The following AMMECR1 variants were observed in gnomAD, a reference collection of about 807,000 sequenced individuals.
AMMECR1 encodes the protein AMMECR nuclear protein 1.
In AMMECR1, 3 loss-of-function variants were observed where a neutral mutation model predicts 22.5. The observed-to-expected ratio is 0.13, with a 90% CI of 0.06 to 0.35. AMMECR1 has a LOEUF of 0.35. Among genes scored for constraint, AMMECR1 ranks in the 10% least tolerant of loss-of-function variants. The probability of loss-of-function intolerance (pLI) is 1.00; values close to 1 mark genes in which losing one functional copy is unlikely to be tolerated. For synonymous variants in AMMECR1, 130 were observed against 116.7 expected, an observed-to-expected ratio of 1.11 and a Z score of -0.74; for missense variants, 235 against 278.7, an observed-to-expected ratio of 0.84 and a Z score of 1.12.
intron 1 of AMMECR1, among the ~76,000 whole-genome samples, chrX:110,285,310 A>T (rs1314830614): frequency 8.9e-6 from 1 of 112,329 alleles, no homozygotes; most frequent in Non-Finnish European, 1.9e-5. Flanking sequence ...TACACACTTA[A>T]TTCTCACACT....
intron 2 of AMMECR1, among the ~76,000 whole-genome samples, chrX:110,246,407 T>C (rs745889656): frequency 5.3e-5 from 6 of 112,474 alleles, no homozygotes; most frequent in Non-Finnish European, 1.1e-4. Flanking sequence ...GACTTATACT[T>C]TCAGAGATGC....
chrX:110,246,978 T>C (rs1233463432), intron 2 of AMMECR1, among the ~76,000 whole-genome samples: 1 of 112,135 alleles, frequency 8.9e-6, no homozygotes, highest in Non-Finnish European at 1.9e-5. Flanking sequence ...CTTTACCATG[T>C]CCCATTACTC....
intron 2 of AMMECR1, among the ~76,000 whole-genome samples, chrX:110,366,668 TCTCTG>T (rs2068299372): frequency 8.9e-6 from 1 of 111,795 alleles, no homozygotes; most frequent in African/African-American, 3.3e-5. Context: ...CCCTAGGCTC[TCTCTG>T]CTTTCATGTG....
At chrX:110,338,514 G>A (rs995192822) in intron 2 of AMMECR1, among the ~76,000 whole-genome samples, 3 of 112,034 alleles carry the variant, frequency 2.7e-5, no homozygotes, top group Admixed American at 9.4e-5. Flanking sequence ...CATTGCTTAT[G>A]ATCAGCCGTT....
chrX:110,283,647 T>C (rs2067864077), intron 1 of AMMECR1, among the ~76,000 whole-genome samples: 1 of 111,506 alleles, frequency 9.0e-6, no homozygotes, highest in South Asian at 3.8e-4. Context: ...ATCCCATTCA[T>C]GAGGGCCCCA....
intron 2 of AMMECR1, among the ~76,000 whole-genome samples, chrX:110,222,032 G>A (rs1339395312): frequency 9.0e-6 from 1 of 110,742 alleles, no homozygotes; most frequent in African/African-American, 3.3e-5. Flanking sequence ...GTGGAAGTCG[G>A]TGTGGCGATT....
At chrX:110,419,724 T>G (rs2068703562) in intron 2 of AMMECR1, among the ~76,000 whole-genome samples, 1 of 111,867 alleles carries the variant, frequency 8.9e-6, no homozygotes, top group African/African-American at 3.3e-5. Context: ...TGTCATTCCA[T>G]AGGAAAAAAA....
intron 2 of AMMECR1, among the ~76,000 whole-genome samples, chrX:110,235,718 A>T (rs2067596807): frequency 8.9e-6 from 1 of 111,962 alleles, no homozygotes; most frequent in African/African-American, 3.3e-5. Flanking sequence ...CAAGGACAGG[A>T]AACCAAACAC....
At chrX:110,427,988 G>C (rs2068766779) in intron 1 of AMMECR1, among the ~76,000 whole-genome samples, 1 of 111,847 alleles carries the variant, frequency 8.9e-6, no homozygotes, top group Non-Finnish European at 1.9e-5. Context: ...TCCAGTCTGG[G>C]TTAGATGCCC....
intron 2 of AMMECR1, among the ~76,000 whole-genome samples, chrX:110,332,275 G>A (rs1186273000): frequency 1.8e-5 from 2 of 111,915 alleles, no homozygotes; most frequent in Non-Finnish European, 3.8e-5. Flanking sequence ...CTTAGGTAGT[G>A]GGATCTGAAA....
chrX:110,284,791 C>T (rs943689169), intron 1 of AMMECR1, among the ~76,000 whole-genome samples: 1 of 112,018 alleles, frequency 8.9e-6, no homozygotes, highest in Non-Finnish European at 1.9e-5. Flanking sequence ...GCCAAGGCCA[C>T]ACAAAGTACC....
chrX:110,396,955 C>G (rs2068532659), intron 2 of AMMECR1, among the ~76,000 whole-genome samples: 1 of 111,776 alleles, frequency 8.9e-6, no homozygotes. Context: ...TACAGGCAGG[C>G]TGGCCACACC....
At chrX:110,229,835 G>A (rs774141663) in intron 2 of AMMECR1, among the ~76,000 whole-genome samples, 10 of 112,603 alleles carry the variant, frequency 8.9e-5, no homozygotes, top group African/African-American at 3.2e-4. Context: ...CTTAGCAACC[G>A]GCAGACAAGG....
In AMMECR1 at chrX:110,421,915, A is replaced by G. The variant is rs954642627; in HGVS notation, c.-148+4743T>C. ...CTTAGATGCAAATGGCCAAATCCCA[A>G]TGGCCATGGCTATAAGGAACACAGG... is the stretch of plus-strand genomic sequence containing the variant. On this transcript the variant is annotated intron_variant, in intron 2 of 7. Coordinates refer to the AMMECR1 transcript ENST00000372057. Among the ~76,000 whole-genome samples the G allele has an allele frequency of 8.0e-5, 9 of 112,906 alleles. No individual in the cohort carries two copies. In the East Asian group the frequency reaches 1.1e-3, roughly 14 times the overall value.
chrX:110,253,539 T>G (rs1481891324), intron 2 of AMMECR1, among the ~76,000 whole-genome samples: 1 of 112,978 alleles, frequency 8.9e-6, no homozygotes, highest in Non-Finnish European at 1.9e-5. Context: ...AATGTAGGCT[T>G]TTAAAAAAAT....
chrX:110,327,020 A>G (rs1175205408), intron 2 of AMMECR1, among the ~76,000 whole-genome samples: 1 of 112,230 alleles, frequency 8.9e-6, no homozygotes, highest in Non-Finnish European at 1.9e-5. Flanking sequence ...TGGTGATGAC[A>G]TATTGGCATG....
intron 2 of AMMECR1, among the ~76,000 whole-genome samples, chrX:110,222,415 G>A (rs2067506797): frequency 1.2e-5 from 1 of 84,818 alleles, no homozygotes; most frequent in Non-Finnish European, 2.3e-5. Flanking sequence ...ATGGACACAG[G>A]AAGGGGAATA....
intron 2 of AMMECR1, among the ~76,000 whole-genome samples, chrX:110,236,579 G>C (rs2067602751): frequency 8.9e-6 from 1 of 111,943 alleles, no homozygotes; most frequent in Non-Finnish European, 1.9e-5. Context: ...CTATGAGTAT[G>C]GTGACTGTGC....
chrX:110,394,852 G>A (rs769954799), intron 2 of AMMECR1, among the ~76,000 whole-genome samples: 3 of 112,911 alleles, frequency 2.7e-5, no homozygotes, highest in African/African-American at 9.7e-5. Context: ...AGGAAGAGGA[G>A]GCCATCCCTC....
Sources: allele counts gnomAD v4.1 joint callset (sites outside exome capture counted in the v4.1 genomes callset), GRCh38; gene constraint gnomAD v4.1.1; transcripts MANE v1.5; gene names NCBI Gene and HGNC (gene_info 2026-07-23, HGNC 2026-07-21).